TNFSF4: variants seen among roughly 807,000 people sequenced by gnomAD.
The protein encoded by TNFSF4 is tumor necrosis factor ligand superfamily member 4.
Under a neutral mutation model 7.3 loss-of-function variants are expected in TNFSF4, and 4 were observed. That is an observed-to-expected ratio of 0.55 (90% CI 0.27 to 1.25). TNFSF4 has a LOEUF of 1.25. Ranked by LOEUF, TNFSF4 falls within the 50% of genes most tolerant of loss-of-function variation. The probability of loss-of-function intolerance (pLI) is 0.12; values close to 1 mark genes in which losing one functional copy is unlikely to be tolerated. For synonymous variants in TNFSF4, 76 were observed against 83.7 expected (o/e 0.91, Z 0.50); for missense variants, 181 against 208.8 (o/e 0.87, Z 0.82).
chr1:173,416,707 C>T, the TNFSF4 span, among the ~76,000 whole-genome samples: 1 of 151,482 alleles, frequency 6.6e-6, no homozygotes, highest in African/African-American at 2.4e-5. Context: ...TGGCTCACTG[C>T]AACCTCAGCC....
At chr1:173,370,589 C>T in the TNFSF4 span, among the ~76,000 whole-genome samples, 2,216 of 152,296 alleles carry the variant, frequency 0.015, 54 homozygotes, top group African/African-American at 0.051. Context: ...TCCCCTGTCA[C>T]CTGACTCCCT....
the TNFSF4 span, among the ~76,000 whole-genome samples, chr1:173,269,818 A>G: frequency 2.6e-3 from 400 of 152,294 alleles, 4 homozygotes; most frequent in Middle Eastern, 0.041. Flanking sequence ...AAAGAGGACA[A>G]CTGTTTTGGG....
chr1:173,407,434 C>A, the TNFSF4 span, among the ~76,000 whole-genome samples: 121 of 151,856 alleles, frequency 8.0e-4, no homozygotes, highest in African/African-American at 2.7e-3. Flanking sequence ...GTCGCACACA[C>A]CTGTAATCCC....
the TNFSF4 span, among the ~76,000 whole-genome samples, chr1:173,243,008 G>T: frequency 6.8e-5 from 8 of 117,230 alleles, no homozygotes; most frequent in African/African-American, 1.6e-4. Context: ...GGTGGGTGGG[G>T]GGGGGGGGGG....
the TNFSF4 span, among the ~76,000 whole-genome samples, chr1:173,338,386 A>G: frequency 6.6e-6 from 1 of 152,088 alleles, no homozygotes; most frequent in Admixed American, 6.5e-5. Flanking sequence ...TGATGAAAGA[A>G]CTCACTTCAC....
At chr1:173,340,507 G>A in the TNFSF4 span, among the ~76,000 whole-genome samples, 33 of 152,214 alleles carry the variant, frequency 2.2e-4, no homozygotes, top group African/African-American at 7.7e-4. Flanking sequence ...CTAAAAAAAG[G>A]TTAAGCAATT....
chr1:173,375,145 T>C, the TNFSF4 span, among the ~76,000 whole-genome samples: 1 of 152,206 alleles, frequency 6.6e-6, no homozygotes, highest in African/African-American at 2.4e-5. Context: ...CTTCGGATCC[T>C]GTATTTTTAG....
At chr1:173,300,183 A>ACATG in the TNFSF4 span, among the ~76,000 whole-genome samples, 2 of 143,052 alleles carry the variant, frequency 1.4e-5, no homozygotes, top group African/African-American at 6.0e-5. Flanking sequence ...ATACATACAT[A>ACATG]CATACATACA....
chr1:173,300,132 TAGATAGATAA>T, the TNFSF4 span, among the ~76,000 whole-genome samples: 1 of 113,036 alleles, frequency 8.8e-6, no homozygotes, highest in Non-Finnish European at 1.9e-5. Context: ...GATAGATAGA[TAGATAGATAA>T]TAAATAGATG....
At chr1:173,175,455 A>G in the TNFSF4 span, 1 of 152,182 alleles carries the variant, frequency 6.6e-6, no homozygotes, top group Non-Finnish European at 1.5e-5. Context: ...TCTAGTGTAA[A>G]TCTACATTCT....
the TNFSF4 span, among the ~76,000 whole-genome samples, chr1:173,280,910 G>A: frequency 2.0e-5 from 3 of 152,044 alleles, no homozygotes; most frequent in East Asian, 1.9e-4. Flanking sequence ...TTAAACTCCC[G>A]GGCAATAACC....
chr1:173,190,757 A>T (rs754578355), intron 1 of TNFSF4, among the ~76,000 whole-genome samples: 11 of 152,226 alleles, frequency 7.2e-5, no homozygotes, highest in Non-Finnish European at 1.0e-4. Flanking sequence ...ATGAATTGCC[A>T]CGTGCTAAAG....
chr1:173,362,684 T>A, the TNFSF4 span: 1 of 414,790 alleles, frequency 2.4e-6, no homozygotes, highest in Non-Finnish European at 4.7e-6. Context: ...TGACAATTCC[T>A]CATTAATGCT....
the TNFSF4 span, among the ~76,000 whole-genome samples, chr1:173,285,807 T>TA: frequency 6.6e-6 from 1 of 152,208 alleles, no homozygotes; most frequent in African/African-American, 2.4e-5. Flanking sequence ...AGTATACATA[T>TA]AATTTTTATA....
the TNFSF4 span, among the ~76,000 whole-genome samples, chr1:173,286,517 G>A: frequency 1.3e-5 from 2 of 152,298 alleles, no homozygotes; most frequent in South Asian, 4.1e-4. Context: ...CAATTCAATA[G>A]ATAGTGATGG....
the TNFSF4 span, among the ~76,000 whole-genome samples, chr1:173,271,941 A>T: frequency 5.3e-5 from 8 of 152,204 alleles, no homozygotes; most frequent in Non-Finnish European, 1.2e-4. Flanking sequence ...AAGACTTGGA[A>T]CCTACCCAAA....
chr1:173,210,732 G>T (rs967259675), upstream of TNFSF4, among the ~76,000 whole-genome samples: 4 of 152,060 alleles, frequency 2.6e-5, no homozygotes, highest in Admixed American at 6.6e-5. Context: ...TTCTAGGGGG[G>T]GGAAAAGAGA....
the TNFSF4 span, among the ~76,000 whole-genome samples, chr1:173,378,974 A>G: frequency 6.6e-6 from 1 of 151,600 alleles, no homozygotes; most frequent in South Asian, 2.1e-4. Flanking sequence ...TCCCTCTCTG[A>G]TTTAAAGCAG....
chr1:173,236,905 A>G, the TNFSF4 span, among the ~76,000 whole-genome samples: 1 of 152,188 alleles, frequency 6.6e-6, no homozygotes, highest in African/African-American at 2.4e-5. Context: ...CATTCAACAT[A>G]CATGATATGG....
Sources: allele counts gnomAD v4.1 joint callset (sites outside exome capture counted in the v4.1 genomes callset), GRCh38; gene constraint gnomAD v4.1.1; transcripts MANE v1.5; gene names NCBI Gene and HGNC (gene_info 2026-07-23, HGNC 2026-07-21).